Variants in KALRN observed in about 807,000 individuals in gnomAD.
The protein encoded by KALRN is kalirin RhoGEF kinase.
KALRN carries 70 observed loss-of-function variants against 353.7 expected under a neutral mutation model. The ratio of observed to expected loss-of-function variants is 0.20; its 90% CI spans 0.16 to 0.24. The LOEUF is 0.24. Among genes scored for constraint, KALRN ranks in the 10% least tolerant of loss-of-function variants. The pLI, the probability that KALRN is intolerant of heterozygous loss-of-function variation, is 1.00. For missense variants in KALRN, 2,791 were observed against 3,756.7 expected (o/e 0.74, Z 6.72); for synonymous variants, 1,391 against 1,434.8 (o/e 0.97, Z 0.69).
At chr3:124,318,666 T>A (rs1051121973) in intron 6 of KALRN, among the ~76,000 whole-genome samples, 2 of 152,218 alleles carry the variant, frequency 1.3e-5, no homozygotes, top group Non-Finnish European at 2.9e-5. Flanking sequence ...TGAATGTTAC[T>A]CACAAGGTCT....
At chr3:124,651,693 A>G (rs2083439692) in intron 38 of KALRN, among the ~76,000 whole-genome samples, 1 of 147,466 alleles carries the variant, frequency 6.8e-6, no homozygotes, top group Non-Finnish European at 1.5e-5. Flanking sequence ...ACTAAAGTAC[A>G]GTGGTATGAT....
Position 124,671,910 on chromosome 3 carries a change from C to T in KALRN, c.6942+12C>T. On this transcript the variant is annotated intron_variant, in intron 48 of 59. Transcript: ENST00000682506. Reference sequence around the variant, plus strand: ...TCGAAGCCAGCAAGGTAAGTGACAACTCATTACTCCCACCCTTGTCACTAC... The same window carrying T: ...TCGAAGCCAGCAAGGTAAGTGACAATTCATTACTCCCACCCTTGTCACTAC... 1.3e-6 allele frequency: 2 copies of T among 1,559,462 alleles called. No individual in the cohort carries two copies. Among genetic ancestry groups the T allele is most frequent in the East Asian group, 2.2e-5 (1 of 44,592 alleles).
intron 33 of KALRN, among the ~76,000 whole-genome samples, chr3:124,539,922 T>TTTGGGGGGGG (rs760016132): frequency 7.6e-6 from 1 of 131,912 alleles, no homozygotes. Context: ...TAATTTTTTT[T>TTTGGGGGGGG]GGGGGGGGGG....
intron 33 of KALRN, among the ~76,000 whole-genome samples, chr3:124,532,780 G>A (rs950914885): frequency 3.9e-5 from 6 of 152,012 alleles, no homozygotes; most frequent in African/African-American, 1.4e-4. Flanking sequence ...CAGCTTGGGC[G>A]ACAGAGGAAG....
At chr3:124,357,713 C>T (rs2083578586) in intron 10 of KALRN, among the ~76,000 whole-genome samples, 1 of 152,176 alleles carries the variant, frequency 6.6e-6, no homozygotes, top group Non-Finnish European at 1.5e-5. Context: ...TTACTCTGGT[C>T]ATATCTCTAT....
chr3:124,379,067 A>G (rs748198130), intron 10 of KALRN, among the ~76,000 whole-genome samples: 1 of 152,050 alleles, frequency 6.6e-6, no homozygotes, highest in East Asian at 1.9e-4. Context: ...AAGTTATCCC[A>G]TAGCTCACAG....
chr3:124,195,812 C>G (rs868038387), intron 1 of KALRN, among the ~76,000 whole-genome samples: 2 of 152,246 alleles, frequency 1.3e-5, no homozygotes, highest in Non-Finnish European at 2.9e-5. Context: ...GCCTGCCTAC[C>G]TGCCAGAAAT....
At chr3:124,237,183 T>C (rs1023994661) in intron 3 of KALRN, among the ~76,000 whole-genome samples, 19 of 152,212 alleles carry the variant, frequency 1.2e-4, no homozygotes, top group Admixed American at 1.2e-3. Context: ...TTTGTAGCCA[T>C]GGCTTTGGAA....
rs955906875 is a variant in KALRN at position 124,102,971 on chromosome 3, G to A, written c.73+69158G>A. ...CGTTTCACAGATAGGAAACAGGCTC[G>A]TAGAGATTAAGTGCTTGGTTAAAGT... is the stretch of plus-strand genomic sequence containing the variant. On this transcript the variant is annotated intron_variant, in intron 1 of 59. Coordinates refer to ENST00000682506, the MANE Select transcript of KALRN (RefSeq NM_001388419.1). Among the ~76,000 whole-genome samples the A allele has an allele frequency of 4.6e-5, 7 of 152,124 alleles. No homozygotes were observed. The South Asian group carries it at 8.3e-4, about 18-fold the overall frequency.
intron 34 of KALRN, among the ~76,000 whole-genome samples, chr3:124,608,973 C>T (rs1280199164): frequency 1.3e-5 from 2 of 152,178 alleles, no homozygotes; most frequent in Non-Finnish European, 2.9e-5. Flanking sequence ...ACTGAAGGTA[C>T]CATGAAAGGT....
At chr3:124,259,121 ACTTCAGGTGAAGTCT>A (rs1310147578) in intron 3 of KALRN, among the ~76,000 whole-genome samples, 3 of 152,216 alleles carry the variant, frequency 2.0e-5, no homozygotes, top group Non-Finnish European at 4.4e-5. Context: ...ATAGGTGAAG[ACTTCAGGTGAAGTCT>A]AGCTGGAGCC....
At chr3:124,039,172 C>T (rs1023205621) in intron 1 of KALRN, among the ~76,000 whole-genome samples, 4 of 152,230 alleles carry the variant, frequency 2.6e-5, no homozygotes, top group Non-Finnish European at 5.9e-5. Flanking sequence ...AGGCTGCTCT[C>T]CACACACTGC....
intron 1 of KALRN, among the ~76,000 whole-genome samples, chr3:124,181,076 C>CAAAAAAAAAAAAAAAAA (rs60579271): frequency 1.6e-4 from 9 of 55,274 alleles, no homozygotes; most frequent in African/African-American, 3.7e-4. Flanking sequence ...ACTAAAAATA[C>CAAAAAAAAAAAAAAAAA]AAAAAAAAAA....
chr3:124,672,696 G>A (rs1439496728), intron 48 of KALRN, among the ~76,000 whole-genome samples: 1 of 152,154 alleles, frequency 6.6e-6, no homozygotes, highest in Non-Finnish European at 1.5e-5. Flanking sequence ...CAGCTATTTT[G>A]CCCCTACAAG....
rs556535823 is a variant in KALRN, at chr3:124,638,267, A to G, written c.5664+964A>G. On this transcript the variant is annotated intron_variant, in intron 37 of 59. Transcript: ENST00000682506. ...TAACTCCCTTTTCAGATATCCCAGC[A>G]TATACTATATGAATGAGGTTTAATA... 4.1e-4 allele frequency among the ~76,000 whole-genome samples: 63 copies of G among 152,188 alleles called. No individual in the cohort carries two copies. In the South Asian group the frequency reaches 0.012, roughly 30 times the overall value.
chr3:124,217,482 G>A (rs753078694), intron 1 of KALRN, among the ~76,000 whole-genome samples: 2 of 152,044 alleles, frequency 1.3e-5, no homozygotes, highest in Non-Finnish European at 2.9e-5. Flanking sequence ...GTGCGTGTAT[G>A]GGTACGTACA....
chr3:124,453,529 G>A (rs1262277485), intron 21 of KALRN, among the ~76,000 whole-genome samples: 2 of 152,218 alleles, frequency 1.3e-5, no homozygotes, highest in Non-Finnish European at 2.9e-5. Flanking sequence ...GAGGATAGTA[G>A]AATAAAGAAA....
At position 124,146,874 on chromosome 3, in the gene KALRN, C is replaced by CAAAAAAAAAAAAAAAAAAAAAA. The variant is rs34633708; in HGVS notation, c.74-81096_74-81095insAAAAAAAAAAAAAAAAAAAAAA. Among the ~76,000 whole-genome samples the CAAAAAAAAAAAAAAAAAAAAAA allele has an allele frequency of 1.2e-3, 59 of 49,834 alleles. 1 individual carries two copies. Among genetic ancestry groups the CAAAAAAAAAAAAAAAAAAAAAA allele is most frequent in the African/African-American group, 1.7e-3 (22 of 12,702 alleles). The allele number at this position is 49,834 out of a possible 152,430, so 32.7% of individuals were successfully genotyped here. A position where few individuals can be genotyped will look rare whatever the true frequency, so the allele number is the denominator to read the frequency against. ...CCTGGGCAATAGAGCGACTCTGTCT[C>CAAAAAAAAAAAAAAAAAAAAAA]AAAAAAAAAAAAAAAAAAAAGAAAA... On this transcript the variant is annotated intron_variant, in intron 1 of 59. Coordinates refer to ENST00000682506, the MANE Select transcript of KALRN (RefSeq NM_001388419.1).
At chr3:124,321,040 G>T (rs2079285233) in intron 6 of KALRN, among the ~76,000 whole-genome samples, 1 of 152,072 alleles carries the variant, frequency 6.6e-6, no homozygotes, top group Admixed American at 6.6e-5. Flanking sequence ...ACTTTGATTT[G>T]GTATACACCT....
Sources: allele counts gnomAD v4.1 joint callset (sites outside exome capture counted in the v4.1 genomes callset), GRCh38; gene constraint gnomAD v4.1.1; transcripts MANE v1.5; gene names NCBI Gene and HGNC (gene_info 2026-07-23, HGNC 2026-07-21).